SNX24: variants seen among roughly 807,000 people sequenced by gnomAD.
SNX24 encodes sorting nexin 24, also known as sorting nexin-24.
Under a neutral mutation model 28.7 loss-of-function variants are expected in SNX24, and 22 were observed. The ratio of observed to expected loss-of-function variants is 0.77; its 90% CI spans 0.55 to 1.10. SNX24 has a LOEUF of 1.10. SNX24 is among the 50% of genes least tolerant of loss of function. The probability of loss-of-function intolerance (pLI) is 0.00; values close to 1 mark genes in which losing one functional copy is unlikely to be tolerated. For synonymous variants in SNX24, 69 were observed against 71.5 expected (o/e 0.96, Z 0.18); for missense variants, 221 against 201.1 (o/e 1.10, Z -0.60).
chr5:123,000,814 A>G (rs994463883), intron 4 of SNX24, among the ~76,000 whole-genome samples: 1 of 152,172 alleles, frequency 6.6e-6, no homozygotes, highest in South Asian at 2.1e-4. Flanking sequence ...CTGAAAATCC[A>G]TGCAGGAGAG....
In SNX24 at chr5:123,008,383, A is replaced by AC; in HGVS notation, c.*635dup. 1.3e-6 allele frequency: 1 copy of AC among 785,626 alleles called. No homozygotes were observed. 48.7% of individuals were successfully genotyped at this position (785,626 alleles called of 1,614,324 possible). A position where few individuals can be genotyped will look rare whatever the true frequency, so the allele number is the denominator to read the frequency against. On this transcript the variant is annotated 3_prime_UTR_variant, in exon 7 of 7. Transcript: ENST00000261369. ...TCAGGGGTTAGCTTCCAAGGTCAGTACATAGGTAAAATGGGCTATTAGGAT... is the reference window on the plus strand; with the variant it reads ...TCAGGGGTTAGCTTCCAAGGTCAGTACCATAGGTAAAATGGGCTATTAGGAT...
intron 5 of SNX24, among the ~76,000 whole-genome samples, chr5:123,017,561 T>C (rs17149798): frequency 0.11 from 17,033 of 152,110 alleles, 1,342 homozygotes; most frequent in East Asian, 0.36. Context: ...CATATTCTTT[T>C]TGGCCATTTT....
intron 2 of SNX24, among the ~76,000 whole-genome samples, chr5:122,942,910 A>G (rs1257223421): frequency 1.3e-5 from 2 of 152,228 alleles, no homozygotes; most frequent in Non-Finnish European, 2.9e-5. Context: ...TGACATAAAT[A>G]AAAAAGGAAA....
chr5:122,946,701 A>G (rs1759704820), intron 3 of SNX24, among the ~76,000 whole-genome samples: 1 of 152,218 alleles, frequency 6.6e-6, no homozygotes, highest in Non-Finnish European at 1.5e-5. Context: ...AGCTGAGAGG[A>G]GCAAGCAGAG....
At chr5:122,909,316 G>T (rs1185362583) in intron 1 of SNX24, among the ~76,000 whole-genome samples, 1 of 152,166 alleles carries the variant, frequency 6.6e-6, no homozygotes, top group African/African-American at 2.4e-5. Flanking sequence ...TCTGTGCCAG[G>T]TACCGTACTC....
intron 1 of SNX24, among the ~76,000 whole-genome samples, chr5:122,892,418 C>T (rs1055617069): frequency 2.0e-5 from 3 of 151,786 alleles, no homozygotes; most frequent in Admixed American, 6.6e-5. Context: ...CCTGTCATTT[C>T]CTTTAAATAA....
At chr5:122,975,382 T>G (rs1410275652) in intron 3 of SNX24, among the ~76,000 whole-genome samples, 1 of 152,190 alleles carries the variant, frequency 6.6e-6, no homozygotes, top group Non-Finnish European at 1.5e-5. Context: ...TTTTTTGTTC[T>G]TTGATAGCTT....
At position 122,851,330 on chromosome 5, in the gene SNX24, A is replaced by G. The variant is rs532027421; in HGVS notation, c.60+5637A>G. Among the ~76,000 whole-genome samples the G allele has an allele frequency of 1.1e-4, 17 of 151,958 alleles. No homozygotes were observed. In the East Asian group the frequency reaches 3.1e-3, roughly 28 times the overall value. ...TAGGCACGAGCCACCATGTCTGGCT[A>G]ATTTTTTGTATTTTTAGTAGAGATG... is the stretch of plus-strand genomic sequence containing the variant. On this transcript the variant is annotated intron_variant, in intron 1 of 6. Transcript: ENST00000261369.
At chr5:123,023,230 G>A (rs1762787694) in intron 5 of SNX24, 1 of 152,196 alleles carries the variant, frequency 6.6e-6, no homozygotes, top group Non-Finnish European at 1.5e-5. Context: ...AAGTATATGA[G>A]ATGTGGATGG....
At chr5:122,861,861 C>G (rs1755473824) in intron 1 of SNX24, among the ~76,000 whole-genome samples, 1 of 152,144 alleles carries the variant, frequency 6.6e-6, no homozygotes, top group Non-Finnish European at 1.5e-5. Context: ...GTTTTATAAA[C>G]TGTAAGCTTC....
intron 1 of SNX24, among the ~76,000 whole-genome samples, chr5:122,871,878 T>G (rs1296089665): frequency 1.3e-5 from 2 of 152,160 alleles, no homozygotes; most frequent in South Asian, 4.2e-4. Context: ...TTCCACATTC[T>G]GGCATCGTGA....
intron 1 of SNX24, among the ~76,000 whole-genome samples, chr5:122,876,723 T>G (rs138529207): frequency 1.4e-4 from 22 of 152,188 alleles, no homozygotes; most frequent in African/African-American, 5.1e-4. Flanking sequence ...TAGCTTGTTT[T>G]GAATGGAGAT....
At chr5:122,874,737 G>C (rs1323275725) in intron 1 of SNX24, among the ~76,000 whole-genome samples, 1 of 152,192 alleles carries the variant, frequency 6.6e-6, no homozygotes, top group Non-Finnish European at 1.5e-5. Flanking sequence ...GTTGAAGAGT[G>C]AACTCTGGAG....
intron 3 of SNX24, among the ~76,000 whole-genome samples, chr5:122,981,473 T>G (rs1266116649): frequency 2.0e-5 from 3 of 152,222 alleles, no homozygotes; most frequent in African/African-American, 7.2e-5. Flanking sequence ...ATGCACATAT[T>G]ATAAGTATAC....
chr5:122,883,198 G>C (rs1410236355), intron 1 of SNX24, among the ~76,000 whole-genome samples: 1 of 152,160 alleles, frequency 6.6e-6, no homozygotes. Context: ...GTATGTGTGT[G>C]CATGTTTCCA....
chr5:122,850,808 A>C (rs10579513), intron 1 of SNX24, among the ~76,000 whole-genome samples: 3,889 of 124,394 alleles, frequency 0.031, 70 homozygotes, highest in Non-Finnish European at 0.042. Context: ...AAAAAAAAAA[A>C]CCCACAGAGA....
chr5:123,021,270 G>A (rs907127084), intron 5 of SNX24, among the ~76,000 whole-genome samples: 2 of 152,138 alleles, frequency 1.3e-5, no homozygotes, highest in East Asian at 1.9e-4. Flanking sequence ...ACCACAAGGG[G>A]TGACACCATT....
intron 1 of SNX24, among the ~76,000 whole-genome samples, chr5:122,899,390 A>G (rs749779138): frequency 6.6e-6 from 1 of 152,170 alleles, no homozygotes; most frequent in Non-Finnish European, 1.5e-5. Flanking sequence ...TCTATCAGTA[A>G]TGCTTCTGTT....
Position 123,008,454 on chromosome 5 carries a change from C to T in SNX24, c.*705C>T, listed in dbSNP as rs1272022737. On this transcript the variant is annotated 3_prime_UTR_variant, in exon 7 of 7. Transcript: ENST00000261369. ...AAGGGTGCCATGTTGGAAACCTGTA[C>T]ATCCACAACAAGTAGCTTTTCCTCC... The T allele has an allele frequency of 5.1e-6, 1 of 195,414 alleles. No homozygotes were observed. The highest frequency in any genetic ancestry group is 9.2e-6 in the Non-Finnish European group (1 of 108,608). The allele number at this position is 195,414 out of a possible 1,614,324, so 12.1% of individuals were successfully genotyped here. A position where few individuals can be genotyped will look rare whatever the true frequency, so the allele number is the denominator to read the frequency against.
Sources: gnomAD v4.1 joint callset for allele counts (sites outside exome capture counted in the v4.1 genomes callset) on GRCh38, gnomAD v4.1.1 for gene constraint, MANE v1.5 for transcripts, NCBI Gene and HGNC (gene_info 2026-07-23, HGNC 2026-07-21) for gene names.